Variants in NOX4 observed in about 807,000 individuals in gnomAD.
NOX4 encodes the protein kidney oxidase-1.
Under a neutral mutation model 87.6 loss-of-function variants are expected in NOX4, and 69 were observed. The observed-to-expected ratio is 0.79, with a 90% confidence interval of 0.65 to 0.96. The LOEUF (loss-of-function observed/expected upper bound fraction) is 0.96. NOX4 is among the 40% of genes least tolerant of loss of function. NOX4 has a pLI of 0.00. For synonymous variants in NOX4, 275 were observed against 238.2 expected (o/e 1.15, Z -1.42); for missense variants, 680 against 681.5 (o/e 1.00, Z 0.02).
chr11:89,404,669 A>G (rs1942067309), intron 8 of NOX4, among the ~76,000 whole-genome samples: 1 of 152,168 alleles, frequency 6.6e-6, no homozygotes, highest in African/African-American at 2.4e-5. Context: ...CACACAGTTG[A>G]TAAGTAGCAG....
chr11:89,432,792 A>G lies in NOX4; in HGVS notation c.540T>C (p.Tyr180=). 1 of 1,607,464 alleles carries G rather than the reference A, an allele frequency of 6.2e-7. No individual in the cohort carries two copies. The highest frequency in any genetic ancestry group is 8.5e-7 in the Non-Finnish European group (1 of 1,174,666). ...TTGATTCTGACACTTACCTTATTGC[A>G]TATGTAGAGGCTGTGATCATGAGGA... ...VLFLMITAST[Y]AIRVSNYDIF... The change falls in exon 7 of 18, where the codon TAT becomes TAC. Residue 180 remains tyrosine, a synonymous_variant. Coordinates refer to ENST00000263317, the MANE Select transcript of NOX4 (RefSeq NM_016931.5).
At chr11:89,496,527 G>T (rs1055406462), upstream of NOX4, among the ~76,000 whole-genome samples, 1 of 151,010 alleles carries the variant, frequency 6.6e-6, no homozygotes, top group African/African-American at 2.4e-5. Context: ...ACATCAAATT[G>T]TACACCTTAA....
At chr11:89,451,750 T>G in intron 3 of NOX4, 35 bp downstream of exon 3, 1 of 1,393,068 alleles carries the variant, frequency 7.2e-7, no homozygotes, top group Non-Finnish European at 1.0e-6. Flanking sequence ...TTGATTTTTA[T>G]GCTGGAATTT....
At chr11:89,492,915 C>T (rs1946895025), upstream of NOX4, among the ~76,000 whole-genome samples, 1 of 152,134 alleles carries the variant, frequency 6.6e-6, no homozygotes, top group African/African-American at 2.4e-5. Context: ...TTTTTAAAAG[C>T]TTAGAGACTT....
chr11:89,506,059 G>C, the NOX4 span, among the ~76,000 whole-genome samples: 3 of 151,692 alleles, frequency 2.0e-5, no homozygotes, highest in Non-Finnish European at 4.4e-5. Flanking sequence ...AATAAGTATA[G>C]ATAAACAAAC....
the NOX4 span, among the ~76,000 whole-genome samples, chr11:89,557,848 G>C: frequency 6.6e-6 from 1 of 152,106 alleles, no homozygotes; most frequent in African/African-American, 2.4e-5. Flanking sequence ...AAAGATACTT[G>C]TAGAAAATTA....
At chr11:89,389,083 T>A (rs1415008186) in intron 11 of NOX4, among the ~76,000 whole-genome samples, 1 of 152,174 alleles carries the variant, frequency 6.6e-6, no homozygotes, top group Admixed American at 6.6e-5. Flanking sequence ...GATCTGATAC[T>A]ACATAAGGTC....
chr11:89,505,094 C>T, the NOX4 span, among the ~76,000 whole-genome samples: 2 of 151,928 alleles, frequency 1.3e-5, no homozygotes, highest in South Asian at 2.1e-4. Flanking sequence ...CTATTACTTA[C>T]CTTTTAAGTC....
the NOX4 span, among the ~76,000 whole-genome samples, chr11:89,550,531 C>A: frequency 6.6e-6 from 1 of 152,112 alleles, no homozygotes; most frequent in Admixed American, 6.6e-5. Flanking sequence ...TTGATGTGCA[C>A]TTCCCTAATT....
At chr11:89,561,747 G>A in the NOX4 span, among the ~76,000 whole-genome samples, 1 of 152,118 alleles carries the variant, frequency 6.6e-6, no homozygotes, top group Non-Finnish European at 1.5e-5. Context: ...CTCTTGAGGA[G>A]CTTCCTTTCT....
intron 6 of NOX4, 76 bp from the exon 7 acceptor site, chr11:89,432,932 T>C (rs1943886007): frequency 1.1e-6 from 1 of 944,936 alleles, no homozygotes; most frequent in Non-Finnish European, 1.7e-6. Flanking sequence ...TATATTAGAA[T>C]CCGAAATACT....
chr11:89,565,546 CT>C, the NOX4 span, among the ~76,000 whole-genome samples: 8 of 151,956 alleles, frequency 5.3e-5, no homozygotes, highest in East Asian at 3.8e-4. Context: ...ATATTAGGAA[CT>C]TTTTTTCTAA....
the NOX4 span, among the ~76,000 whole-genome samples, chr11:89,538,126 C>T: frequency 6.6e-6 from 1 of 152,174 alleles, no homozygotes; most frequent in African/African-American, 2.4e-5. Context: ...AATCTGTCTT[C>T]ATGCTGAAAA....
intron 9 of NOX4, among the ~76,000 whole-genome samples, chr11:89,401,226 C>A (rs1047155589): frequency 6.6e-6 from 1 of 152,014 alleles, no homozygotes; most frequent in Non-Finnish European, 1.5e-5. Flanking sequence ...AACATTTAGC[C>A]CCACACTGTG....
intron 2 of NOX4, among the ~76,000 whole-genome samples, chr11:89,482,274 A>G (rs1315454993): frequency 1.3e-5 from 2 of 152,258 alleles, no homozygotes; most frequent in Non-Finnish European, 2.9e-5. Flanking sequence ...AGAAAAAAAA[A>G]TACATTAACT....
intron 11 of NOX4, among the ~76,000 whole-genome samples, chr11:89,380,961 G>A (rs1196286395): frequency 4.6e-5 from 7 of 152,118 alleles, no homozygotes; most frequent in Non-Finnish European, 5.9e-5. Flanking sequence ...CAAAACTGCT[G>A]CAGATGTCCT....
chr11:89,398,238 C>A (rs187319689), intron 11 of NOX4, among the ~76,000 whole-genome samples: 3 of 152,174 alleles, frequency 2.0e-5, no homozygotes, highest in African/African-American at 7.2e-5. Context: ...TCAATAGATG[C>A]AGAAAAGGCC....
the NOX4 span, among the ~76,000 whole-genome samples, chr11:89,516,059 C>T: frequency 6.6e-6 from 1 of 151,792 alleles, no homozygotes; most frequent in Non-Finnish European, 1.5e-5. Flanking sequence ...ATTATATATT[C>T]ACTTTTTATT....
intron 12 of NOX4, among the ~76,000 whole-genome samples, chr11:89,365,747 C>G (rs995083599): frequency 7.6e-5 from 9 of 118,406 alleles, no homozygotes; most frequent in Admixed American, 6.7e-4. Flanking sequence ...ACCAAGACCA[C>G]GCCCACAAAA....
Sources: allele counts gnomAD v4.1 joint callset (sites outside exome capture counted in the v4.1 genomes callset), GRCh38; gene constraint gnomAD v4.1.1; transcripts MANE v1.5; gene names NCBI Gene and HGNC (gene_info 2026-07-23, HGNC 2026-07-21).